TMEM117: variants seen among roughly 807,000 people sequenced by gnomAD.
TMEM117 encodes transmembrane protein 117.
Under a neutral mutation model 52.4 loss-of-function variants are expected in TMEM117, and 27 were observed. That is an observed-to-expected ratio of 0.51 (90% confidence interval 0.38 to 0.71). TMEM117 has a LOEUF of 0.71. Among genes scored for constraint, TMEM117 ranks in the 30% least tolerant of loss-of-function variants. The pLI is 0.00. For synonymous variants in TMEM117, 215 were observed against 206.3 expected, an observed-to-expected ratio of 1.04 and a Z score of -0.36; for missense variants, 556 against 630.5, an observed-to-expected ratio of 0.88 and a Z score of 1.26.
intron 5 of TMEM117, among the ~76,000 whole-genome samples, chr12:44,240,774 T>G (rs1248523135): frequency 1.3e-5 from 2 of 152,088 alleles, no homozygotes; most frequent in Non-Finnish European, 2.9e-5. Flanking sequence ...CACTTCCCTA[T>G]TAATACCAAT....
the TMEM117 span, chr12:43,806,328 C>T: frequency 6.1e-6 from 8 of 1,304,390 alleles, no homozygotes; most frequent in Admixed American, 2.0e-4. Flanking sequence ...GCTGCTCCTC[C>T]GCCGGCCCCG....
chr12:44,176,653 C>A (rs1949120336), intron 4 of TMEM117, among the ~76,000 whole-genome samples: 1 of 152,110 alleles, frequency 6.6e-6, no homozygotes, highest in African/African-American at 2.4e-5. Context: ...ATAGAGCCTG[C>A]TTTCAGCTCT....
intron 7 of TMEM117, among the ~76,000 whole-genome samples, chr12:44,384,177 G>T (rs976337920): frequency 2.6e-5 from 4 of 152,004 alleles, no homozygotes; most frequent in African/African-American, 9.7e-5. Flanking sequence ...ATGGAAAGAT[G>T]GATGACAGAG....
At chr12:43,831,905 C>A (rs1328027757), upstream of TMEM117, among the ~76,000 whole-genome samples, 1 of 152,116 alleles carries the variant, frequency 6.6e-6, no homozygotes, top group East Asian at 1.9e-4. Context: ...ATGTAAACAA[C>A]ACACATTTTA....
intron 6 of TMEM117, among the ~76,000 whole-genome samples, chr12:44,322,355 T>A (rs1331606231): frequency 6.6e-6 from 1 of 152,190 alleles, no homozygotes; most frequent in African/African-American, 2.4e-5. Context: ...AACATCTTTT[T>A]AAAATTGATT....
chr12:44,158,289 A>G (rs1269414093), intron 4 of TMEM117, among the ~76,000 whole-genome samples: 2 of 152,166 alleles, frequency 1.3e-5, no homozygotes. Flanking sequence ...TGTGACAACA[A>G]AAGAATTCAA....
chr12:44,125,473 T>C lies in TMEM117; in HGVS notation c.411-18052T>C, dbSNP rs184953710. ...TAGTCCAGGAATTTATCCATTTTTT[T>C]CCTAGATTTTCTAGTTTATGTGTTA... On this transcript the variant is annotated intron_variant, in intron 3 of 7. Transcript: ENST00000266534. 5.5e-3 allele frequency among the ~76,000 whole-genome samples: 843 copies of C among 152,316 alleles called. 4 individuals carry two copies. The highest frequency in any genetic ancestry group is 9.6e-3 in the Non-Finnish European group (656 of 68,014).
chr12:43,972,469 C>T (rs185573410), intron 3 of TMEM117, among the ~76,000 whole-genome samples: 2 of 152,322 alleles, frequency 1.3e-5, no homozygotes, highest in East Asian at 3.9e-4. Flanking sequence ...AAAGTTTCCA[C>T]AGCATGGAAG....
chr12:44,014,972 C>T (rs1438831563), intron 3 of TMEM117, among the ~76,000 whole-genome samples: 1 of 152,024 alleles, frequency 6.6e-6, no homozygotes, highest in Non-Finnish European at 1.5e-5. Flanking sequence ...CTATGATTGG[C>T]CTCACTTAGG....
At chr12:44,243,893 C>T (rs1019960212) in intron 5 of TMEM117, among the ~76,000 whole-genome samples, 7 of 151,802 alleles carry the variant, frequency 4.6e-5, no homozygotes, top group Admixed American at 3.9e-4. Context: ...TGTCTTTCTG[C>T]GCCTGACTTA....
At position 44,010,402 on chromosome 12, in the gene TMEM117, A is replaced by G. The variant is rs903494179; in HGVS notation, c.410+66060A>G. 2.6e-5 allele frequency among the ~76,000 whole-genome samples: 4 copies of G among 152,112 alleles called. No individual in the cohort carries two copies. The East Asian group carries it at 7.7e-4, about 29-fold the overall frequency. ...TGGGGAAGCGGTGTCAGGAAAGCGC[A>G]CTATGCCTGGCAAGTGAAGCTCCAA... On this transcript the variant is annotated intron_variant, in intron 3 of 7. Transcript: ENST00000266534.
intron 5 of TMEM117, among the ~76,000 whole-genome samples, chr12:44,268,033 A>T (rs1360163648): frequency 3.9e-5 from 6 of 152,056 alleles, no homozygotes; most frequent in African/African-American, 1.4e-4. Context: ...GGATTCCTTG[A>T]CCATATGGTA....
chr12:43,817,142 T>C, the TMEM117 span, among the ~76,000 whole-genome samples: 1 of 152,218 alleles, frequency 6.6e-6, no homozygotes, highest in Non-Finnish European at 1.5e-5. Context: ...GAGTAAAAAT[T>C]CATAGAGTTT....
the TMEM117 span, chr12:43,804,571 T>C: frequency 6.3e-7 from 1 of 1,593,496 alleles, no homozygotes. Context: ...CATCTTCACT[T>C]GCTGTGGAAA....
chr12:44,260,401 G>T (rs1485183628), intron 5 of TMEM117, among the ~76,000 whole-genome samples: 2 of 152,162 alleles, frequency 1.3e-5, no homozygotes, highest in Non-Finnish European at 2.9e-5. Flanking sequence ...ATGAGAAGCT[G>T]TGTGATTTCA....
chr12:44,034,497 A>G (rs532555726), intron 3 of TMEM117, among the ~76,000 whole-genome samples: 6 of 152,362 alleles, frequency 3.9e-5, no homozygotes, highest in Admixed American at 6.5e-5. Context: ...GTTTAATGCA[A>G]TTAAGTCCGT....
At position 43,883,102 on chromosome 12, in the gene TMEM117, G is replaced by A. The variant is rs147360090; in HGVS notation, c.277+38174G>A. On this transcript the variant is annotated intron_variant, in intron 2 of 7. Coordinates refer to ENST00000266534, the MANE Select transcript of TMEM117 (RefSeq NM_032256.3). ...TGTATCCATTATAAAAAGGAGAAGA[G>A]TTCTATATTTTTGTTCTTTATAATG... is the stretch of plus-strand genomic sequence containing the variant. Among the ~76,000 whole-genome samples, 1,064 of 152,088 alleles carry A rather than the reference G, an allele frequency of 7.0e-3. 10 individuals carry two copies. The highest frequency in any genetic ancestry group is 0.023 in the African/African-American group (966 of 41,488).
At chr12:43,841,949 G>A (rs1478835753) in intron 1 of TMEM117, among the ~76,000 whole-genome samples, 2 of 152,150 alleles carry the variant, frequency 1.3e-5, no homozygotes, top group Non-Finnish European at 2.9e-5. Flanking sequence ...CTTCACTGGC[G>A]AAAGAAGCAA....
intron 6 of TMEM117, among the ~76,000 whole-genome samples, chr12:44,369,209 A>C (rs1217577843): frequency 6.6e-6 from 1 of 152,188 alleles, no homozygotes; most frequent in African/African-American, 2.4e-5. Flanking sequence ...TTTGTCCTTC[A>C]TCACATCAGT....
Sources: gnomAD v4.1 joint callset for allele counts (sites outside exome capture counted in the v4.1 genomes callset) on GRCh38, gnomAD v4.1.1 for gene constraint, MANE v1.5 for transcripts, NCBI Gene and HGNC (gene_info 2026-07-23, HGNC 2026-07-21) for gene names.